CDH13: variants seen among roughly 807,000 people sequenced by gnomAD.
The protein encoded by CDH13 is cadherin 13, also known as cadherin-13.
Under a neutral mutation model 63.8 loss-of-function variants are expected in CDH13, and 24 were observed. That is an observed-to-expected ratio of 0.38 (90% confidence interval 0.27 to 0.53). CDH13 has a LOEUF of 0.53. Ranked by LOEUF, CDH13 falls within the 20% of genes least tolerant of loss-of-function variation. CDH13 has a pLI of 0.85. For synonymous variants in CDH13, 503 were observed against 355.3 expected (o/e 1.42, Z -4.67); for missense variants, 1,049 against 903.1 (o/e 1.16, Z -2.07).
intron 2 of CDH13, among the ~76,000 whole-genome samples, chr16:82,913,791 G>C (rs2041907605): frequency 1.3e-5 from 2 of 151,990 alleles, no homozygotes; most frequent in African/African-American, 2.4e-5. Flanking sequence ...TGCAGGTAGA[G>C]GAGTGGGGGA....
intron 6 of CDH13, among the ~76,000 whole-genome samples, chr16:83,365,039 C>G (rs568532190): frequency 7.2e-5 from 11 of 152,154 alleles, no homozygotes; most frequent in Non-Finnish European, 1.3e-4. Context: ...TGTAATAAAC[C>G]TACACGTTCT....
chr16:82,890,230 T>C (rs961674542), intron 2 of CDH13, among the ~76,000 whole-genome samples: 4 of 152,192 alleles, frequency 2.6e-5, no homozygotes, highest in African/African-American at 9.7e-5. Context: ...CCTGAGAGCC[T>C]GTCCCAAAAG....
rs74514095 is a variant in CDH13 at position 83,382,468 on chromosome 16, C to A, written c.781+37462C>A. On this transcript the variant is annotated intron_variant, in intron 6 of 13. Coordinates refer to ENST00000567109, the MANE Select transcript of CDH13 (RefSeq NM_001257.5). Reference sequence around the variant, plus strand: ...ATCCCCAGCTATTCACATTTCACTGCGTACACTCTATCTCCCTATGTATGT... The same window carrying A: ...ATCCCCAGCTATTCACATTTCACTGAGTACACTCTATCTCCCTATGTATGT... Among the ~76,000 whole-genome samples the A allele has an allele frequency of 2.6e-4, 40 of 152,238 alleles. No individual in the cohort carries two copies. The East Asian group carries it at 7.5e-3, about 29-fold the overall frequency.
chr16:83,142,664 G>T (rs185808735), intron 4 of CDH13, among the ~76,000 whole-genome samples: 190 of 152,316 alleles, frequency 1.2e-3, no homozygotes, highest in Middle Eastern at 6.8e-3. Context: ...CAAACCCCAA[G>T]ATAGCAGAAT....
At position 83,751,968 on chromosome 16, in the gene CDH13, A is replaced by G. The variant is rs141384414; in HGVS notation, c.1681+3718A>G. ...GATTAGGGAGTTGCCCATGCAGAAG[A>G]GATGCGACTTATCAGAACAGAAAAG... On this transcript the variant is annotated intron_variant, in intron 11 of 13. Transcript: ENST00000567109. Among the ~76,000 whole-genome samples, 279 of 152,388 alleles carry G rather than the reference A, an allele frequency of 1.8e-3. 1 individual carries two copies. Among genetic ancestry groups the G allele is most frequent in the African/African-American group, 6.3e-3 (260 of 41,598 alleles).
chr16:83,209,001 T>A (rs1193746017), intron 4 of CDH13, among the ~76,000 whole-genome samples: 1 of 152,106 alleles, frequency 6.6e-6, no homozygotes, highest in Non-Finnish European at 1.5e-5. Flanking sequence ...GCCTGGGAAG[T>A]TCACTATGGG....
At chr16:82,869,963 A>G (rs1389877211) in intron 2 of CDH13, among the ~76,000 whole-genome samples, 1 of 152,198 alleles carries the variant, frequency 6.6e-6, no homozygotes, top group East Asian at 1.9e-4. Context: ...AAACTGAAAC[A>G]AAAATGGACA....
intron 2 of CDH13, among the ~76,000 whole-genome samples, chr16:82,947,844 T>A (rs1343689424): frequency 6.6e-6 from 1 of 152,158 alleles, no homozygotes; most frequent in Non-Finnish European, 1.5e-5. Context: ...GTATTTAAAA[T>A]GGAAACCCTG....
intron 7 of CDH13, among the ~76,000 whole-genome samples, chr16:83,573,732 T>C (rs1904855256): frequency 6.6e-6 from 1 of 152,236 alleles, no homozygotes; most frequent in Non-Finnish European, 1.5e-5. Context: ...GTAACTCTTT[T>C]CTTATCACCC....
chr16:83,453,415 A>C (rs901944246), intron 6 of CDH13, among the ~76,000 whole-genome samples: 3 of 152,230 alleles, frequency 2.0e-5, no homozygotes, highest in African/African-American at 7.2e-5. Context: ...CATGAAAAAA[A>C]CATGAATAAC....
At chr16:83,389,779 C>T (rs533831195) in intron 6 of CDH13, among the ~76,000 whole-genome samples, 1 of 152,300 alleles carries the variant, frequency 6.6e-6, no homozygotes, top group African/African-American at 2.4e-5. Context: ...AGTGGTTCCA[C>T]TTTGCCAGGT....
At chr16:83,255,272 G>T (rs1312205052) in intron 5 of CDH13, among the ~76,000 whole-genome samples, 1 of 152,154 alleles carries the variant, frequency 6.6e-6, no homozygotes, top group African/African-American at 2.4e-5. Flanking sequence ...CAATTAAAAA[G>T]ACAAGTGGAG....
At position 83,779,405 on chromosome 16, in the gene CDH13, T is replaced by TAAAAAAAAAAAAAAAAAAAAAA. The variant is rs1174439191; in HGVS notation, c.1682-563_1682-562insAAAAAAAAAAAAAAAAAAAAAA. Among the ~76,000 whole-genome samples, 3 of 67,810 alleles carry TAAAAAAAAAAAAAAAAAAAAAA rather than the reference T, an allele frequency of 4.4e-5. 1 individual carries two copies. The highest frequency in any genetic ancestry group is 7.7e-5 in the Non-Finnish European group (3 of 39,164). The allele number at this position is 67,810 out of a possible 152,430, so 44.5% of individuals were successfully genotyped here. On this transcript the variant is annotated intron_variant, in intron 11 of 13. Transcript: ENST00000567109. ...CCGGGCGACAGCGCGAGACTCCATC[T>TAAAAAAAAAAAAAAAAAAAAAA]CAAAAAAAAAAAAAAAAAAAAAAAA... is the stretch of plus-strand genomic sequence containing the variant.
At chr16:83,063,019 G>C (rs2031701584) in intron 3 of CDH13, among the ~76,000 whole-genome samples, 1 of 149,388 alleles carries the variant, frequency 6.7e-6, no homozygotes. Context: ...CTGGAGTTCA[G>C]GGTGCGATCT....
intron 6 of CDH13, among the ~76,000 whole-genome samples, chr16:83,364,081 A>C (rs1388509250): frequency 6.6e-6 from 1 of 152,200 alleles, no homozygotes; most frequent in Non-Finnish European, 1.5e-5. Flanking sequence ...TTACCGAATG[A>C]ATTAACATGT....
chr16:83,115,487 T>C (rs1391360030), intron 3 of CDH13, among the ~76,000 whole-genome samples: 3 of 152,176 alleles, frequency 2.0e-5, no homozygotes, highest in Non-Finnish European at 4.4e-5. Flanking sequence ...CTTCAAACTC[T>C]CCAAAGGAAT....
intron 3 of CDH13, among the ~76,000 whole-genome samples, chr16:83,077,186 CTTTTTTTTTTTTT>C (rs34536219): frequency 1.7e-5 from 1 of 59,166 alleles, no homozygotes; most frequent in African/African-American, 6.8e-5. Flanking sequence ...TTTTTCTTTT[CTTTTTTTTTTTTT>C]TTTTTTTTTT....
intron 8 of CDH13, among the ~76,000 whole-genome samples, chr16:83,602,947 C>T (rs1907986302): frequency 6.6e-6 from 1 of 152,028 alleles, no homozygotes; most frequent in Non-Finnish European, 1.5e-5. Flanking sequence ...TATTTTTTTC[C>T]AGCAAGTGCA....
At chr16:83,494,991 T>G (rs1260243297) in intron 7 of CDH13, among the ~76,000 whole-genome samples, 1 of 152,224 alleles carries the variant, frequency 6.6e-6, no homozygotes, top group Non-Finnish European at 1.5e-5. Context: ...GGAAACTTTT[T>G]TTTTAAAGGG....
Sources: allele counts gnomAD v4.1 joint callset (sites outside exome capture counted in the v4.1 genomes callset), GRCh38; gene constraint gnomAD v4.1.1; transcripts MANE v1.5; gene names NCBI Gene and HGNC (gene_info 2026-07-23, HGNC 2026-07-21).